SNX29: variants seen among roughly 807,000 people sequenced by gnomAD.
SNX29 encodes sorting nexin-29.
SNX29 carries 78 observed loss-of-function variants against 102.1 expected under a neutral mutation model. That is an observed-to-expected ratio of 0.76 (90% CI 0.64 to 0.92). The LOEUF (loss-of-function observed/expected upper bound fraction) is 0.92, where lower values mean the gene tolerates loss of function less well. Among genes scored for constraint, SNX29 ranks in the 40% least tolerant of loss-of-function variants. The pLI, the probability that SNX29 is intolerant of heterozygous loss-of-function variation, is 0.00. For missense variants in SNX29, 1,280 were observed against 1,061.7 expected, an observed-to-expected ratio of 1.21 and a Z score of -2.86; for synonymous variants, 580 against 414.5, an observed-to-expected ratio of 1.40 and a Z score of -4.85.
intron 11 of SNX29, among the ~76,000 whole-genome samples, chr16:12,097,915 G>A (rs1345264387): frequency 6.6e-6 from 1 of 152,240 alleles, no homozygotes; most frequent in Non-Finnish European, 1.5e-5. Flanking sequence ...TTGGGAAGGA[G>A]TAGCCTGACT....
At position 12,508,344 on chromosome 16, in the gene SNX29, G is replaced by A. The variant is rs548371103; in HGVS notation, c.2179-16358G>A. On this transcript the variant is annotated intron_variant, in intron 19 of 20. Coordinates refer to ENST00000566228, the MANE Select transcript of SNX29 (RefSeq NM_032167.5). ...TGCTTGGCCTTCAGAAGCATGGACCGGTGTCACCTCTCAGTAGCACAGCTC... is the reference window on the plus strand; with the variant it reads ...TGCTTGGCCTTCAGAAGCATGGACCAGTGTCACCTCTCAGTAGCACAGCTC... Among the ~76,000 whole-genome samples, 12 of 152,316 alleles carry A rather than the reference G, an allele frequency of 7.9e-5. No individual in the cohort carries two copies. The South Asian group carries it at 1.2e-3, about 16-fold the overall frequency.
At chr16:12,503,258 C>G (rs1344568247) in intron 19 of SNX29, among the ~76,000 whole-genome samples, 1 of 152,208 alleles carries the variant, frequency 6.6e-6, no homozygotes, top group Non-Finnish European at 1.5e-5. Context: ...GAAGCAGGTG[C>G]TGGATAAATA....
intron 4 of SNX29, among the ~76,000 whole-genome samples, chr16:12,039,354 C>G (rs942735478): frequency 2.0e-5 from 3 of 152,078 alleles, no homozygotes; most frequent in African/African-American, 4.8e-5. Context: ...GGTTGAGTGA[C>G]TTGCTCAAGG....
chr16:12,142,675 C>T (rs1436769573), intron 13 of SNX29, among the ~76,000 whole-genome samples: 1 of 151,844 alleles, frequency 6.6e-6, no homozygotes, highest in African/African-American at 2.4e-5. Flanking sequence ...AGCGATTCTC[C>T]TGCTCAGCCT....
At chr16:12,541,010 C>G (rs1001112154) in intron 20 of SNX29, among the ~76,000 whole-genome samples, 2 of 152,164 alleles carry the variant, frequency 1.3e-5, no homozygotes, top group Non-Finnish European at 2.9e-5. Flanking sequence ...TGCGGGTTTC[C>G]TGGGACAGCA....
At chr16:12,036,766 T>C (rs2057487874) in intron 4 of SNX29, among the ~76,000 whole-genome samples, 1 of 152,222 alleles carries the variant, frequency 6.6e-6, no homozygotes, top group African/African-American at 2.4e-5. Flanking sequence ...CAGCACCTGG[T>C]GTGTTCTTGG....
chr16:12,520,631 A>G (rs570669267), intron 19 of SNX29, among the ~76,000 whole-genome samples: 4 of 152,330 alleles, frequency 2.6e-5, no homozygotes, highest in African/African-American at 9.6e-5. Context: ...AAAGGAACGA[A>G]ATCATGTCTT....
At chr16:12,039,909 A>C (rs1366136534) in intron 4 of SNX29, among the ~76,000 whole-genome samples, 1 of 152,168 alleles carries the variant, frequency 6.6e-6, no homozygotes, top group African/African-American at 2.4e-5. Context: ...TGTCAGATGT[A>C]AAGTGTTTAC....
intron 18 of SNX29, among the ~76,000 whole-genome samples, chr16:12,464,907 A>G (rs978957590): frequency 3.3e-4 from 51 of 152,318 alleles, no homozygotes; most frequent in Non-Finnish European, 6.3e-4. Flanking sequence ...TACCCTCACC[A>G]ACACTTGTCT....
intron 18 of SNX29, among the ~76,000 whole-genome samples, chr16:12,455,139 C>T (rs1416673925): frequency 1.3e-5 from 2 of 152,202 alleles, no homozygotes; most frequent in East Asian, 1.9e-4. Flanking sequence ...TTTGTCCCTC[C>T]TGACAAAGGT....
intron 15 of SNX29, among the ~76,000 whole-genome samples, chr16:12,318,303 G>T (rs1380883836): frequency 1.3e-5 from 2 of 152,192 alleles, no homozygotes. Flanking sequence ...TGGTTTTTCT[G>T]CCCAGAGGCC....
chr16:12,168,475 C>A (rs535520364), intron 13 of SNX29, among the ~76,000 whole-genome samples: 2 of 152,160 alleles, frequency 1.3e-5, no homozygotes, highest in African/African-American at 4.8e-5. Context: ...TGTTGTTGCT[C>A]CTATTCTAGG....
intron 15 of SNX29, among the ~76,000 whole-genome samples, chr16:12,283,794 T>C (rs1227307389): frequency 6.6e-6 from 1 of 152,228 alleles, no homozygotes; most frequent in Non-Finnish European, 1.5e-5. Context: ...ATAATTGAAG[T>C]GCAGAGGTAG....
intron 19 of SNX29, among the ~76,000 whole-genome samples, chr16:12,483,114 G>GTTTTTT (rs574090459): frequency 0.012 from 766 of 66,148 alleles, 155 homozygotes; most frequent in African/African-American, 0.02. Flanking sequence ...AAGTTATTAA[G>GTTTTTT]TTTTTTTTTT....
At chr16:12,520,218 C>T (rs2090044994) in intron 19 of SNX29, among the ~76,000 whole-genome samples, 1 of 152,122 alleles carries the variant, frequency 6.6e-6, no homozygotes, top group Non-Finnish European at 1.5e-5. Context: ...TCATGCAGCC[C>T]CACCTGCCCC....
At position 12,568,676 on chromosome 16, in the gene SNX29, G is replaced by T. The variant is rs76663189; in HGVS notation, c.*47G>T. ...GGGCCCTGTGCGTGGCACCAGCTGC[G>T]TCCACCCCAGCCACTGCCGCTGGCC... On this transcript the variant is annotated 3_prime_UTR_variant, in exon 21 of 21. Transcript: ENST00000566228. 2.7e-3 allele frequency: 4,330 copies of T among 1,586,178 alleles called. 99 individuals are homozygous for T. In the African/African-American group the frequency reaches 0.05, roughly 18 times the overall value.
chr16:12,068,726 G>A (rs2151298680), intron 9 of SNX29, among the ~76,000 whole-genome samples: 1 of 152,216 alleles, frequency 6.6e-6, no homozygotes, highest in South Asian at 2.1e-4. Flanking sequence ...TGTATTTTTA[G>A]TAGAGATGGG....
chr16:12,301,690 C>A (rs370228065), intron 15 of SNX29, among the ~76,000 whole-genome samples: 23 of 152,336 alleles, frequency 1.5e-4, no homozygotes, highest in African/African-American at 4.8e-4. Context: ...ATCAAGCTTA[C>A]CTTGCTTCCC....
At chr16:12,553,532 C>G (rs762210890) in intron 20 of SNX29, among the ~76,000 whole-genome samples, 8 of 152,180 alleles carry the variant, frequency 5.3e-5, no homozygotes, top group African/African-American at 1.9e-4. Flanking sequence ...GAGGAGGGAC[C>G]CCACAGAGCA....
Sources: gnomAD v4.1 joint callset for allele counts (sites outside exome capture counted in the v4.1 genomes callset) on GRCh38, gnomAD v4.1.1 for gene constraint, MANE v1.5 for transcripts, NCBI Gene and HGNC (gene_info 2026-07-23, HGNC 2026-07-21) for gene names.